The following CNTLN variants were observed in gnomAD, a reference collection of about 807,000 sequenced individuals.
CNTLN encodes centlein.
In CNTLN, 212 loss-of-function variants were observed where a neutral mutation model predicts 180.0. That is an observed-to-expected ratio of 1.18 (90% CI 1.05 to 1.32). The LOEUF is 1.32. Among genes scored for constraint, CNTLN ranks in the 40% most tolerant of loss-of-function variants. The pLI, the probability that CNTLN is intolerant of heterozygous loss-of-function variation, is 0.00. For missense variants in CNTLN, 2,095 were observed against 1,610.9 expected, an observed-to-expected ratio of 1.30 and a Z score of -5.14; for synonymous variants, 722 against 563.1, an observed-to-expected ratio of 1.28 and a Z score of -3.99.
intron 12 of CNTLN, among the ~76,000 whole-genome samples, chr9:17,364,452 G>C (rs937309278): frequency 9.2e-5 from 14 of 151,662 alleles, no homozygotes; most frequent in Non-Finnish European, 1.8e-4. Flanking sequence ...CATATTTTTA[G>C]ATATATTATT....
At chr9:17,152,846 A>G (rs111537946) in intron 2 of CNTLN, among the ~76,000 whole-genome samples, 3,750 of 152,238 alleles carry the variant, frequency 0.025, 162 homozygotes, top group African/African-American at 0.085. Context: ...GGGTGTTCCC[A>G]TATTGGGTGC....
At chr9:17,345,186 G>T (rs1821784178) in intron 12 of CNTLN, among the ~76,000 whole-genome samples, 1 of 152,118 alleles carries the variant, frequency 6.6e-6, no homozygotes, top group South Asian at 2.1e-4. Context: ...GTTTTTGTGT[G>T]AACATAACTT....
At chr9:17,157,329 A>G in intron 2 of CNTLN, among the ~76,000 whole-genome samples, 1 of 152,204 alleles carries the variant, frequency 6.6e-6, no homozygotes, top group Non-Finnish European at 1.5e-5. Context: ...TTTCAGGATT[A>G]TCCTTTGCTA....
intron 7 of CNTLN, chr9:17,298,773 G>A: frequency 1.0e-6 from 1 of 987,596 alleles, no homozygotes; most frequent in Non-Finnish European, 1.2e-6. Context: ...AAAGGGGATT[G>A]CTGAGGAGGG....
intron 15 of CNTLN, among the ~76,000 whole-genome samples, chr9:17,399,058 A>G (rs1246134145): frequency 6.6e-6 from 1 of 152,120 alleles, no homozygotes; most frequent in East Asian, 1.9e-4. Context: ...TTTTCCATAT[A>G]TTTGCCTTCC....
At chr9:17,387,335 TA>T (rs1397541730) in intron 13 of CNTLN, among the ~76,000 whole-genome samples, 1 of 152,200 alleles carries the variant, frequency 6.6e-6, no homozygotes, top group African/African-American at 2.4e-5. Context: ...GTCCCCTTTT[TA>T]TTCCTTAAGA....
At chr9:17,381,013 T>G (rs1046372604) in intron 13 of CNTLN, among the ~76,000 whole-genome samples, 4 of 152,234 alleles carry the variant, frequency 2.6e-5, no homozygotes, top group Non-Finnish European at 5.9e-5. Flanking sequence ...TTTCTTTGGC[T>G]AAAGCAAGTC....
chr9:17,370,353 A>G (rs377419886), intron 13 of CNTLN, among the ~76,000 whole-genome samples: 8 of 152,342 alleles, frequency 5.3e-5, no homozygotes, highest in East Asian at 3.9e-4. Context: ...ATATGCTGGC[A>G]GCAGACTTTT....
At chr9:17,482,355 T>C (rs1208445633) in intron 23 of CNTLN, among the ~76,000 whole-genome samples, 3 of 151,830 alleles carry the variant, frequency 2.0e-5, no homozygotes, top group African/African-American at 7.2e-5. Flanking sequence ...CCTATAAAAA[T>C]AAGAAAATAT....
At position 17,293,890 on chromosome 9, in the gene CNTLN, G is replaced by T. The variant is rs560608368; in HGVS notation, c.984-4300G>T. Among the ~76,000 whole-genome samples the T allele has an allele frequency of 2.9e-4, 44 of 152,256 alleles. 1 individual carries two copies. Among genetic ancestry groups the T allele is most frequent in the African/African-American group, 1.0e-3 (43 of 41,560 alleles). On this transcript the variant is annotated intron_variant, in intron 6 of 25. Transcript: ENST00000380647. The stretch of plus-strand genomic sequence containing the variant: ...GGCTCATTGGGGGACCTCCTGATCT[G>T]TGGGTAGCACGGATCCGTGGAAAAA...
Position 17,388,181 on chromosome 9 carries a change from T to G in CNTLN, c.2007T>G (p.Gly669=), listed in dbSNP as rs1488317570. The change falls in exon 14 of 26, where the codon GGT becomes GGG. Residue 669 remains glycine (G), a synonymous_variant. Coordinates refer to ENST00000380647, the MANE Select transcript of CNTLN (RefSeq NM_017738.4). Reference sequence around the variant, plus strand: ...TACCAGAACAGCTCTTTAGATCTGGTGAAGATGATGAGGTCAAGAGGAGTA... The same window carrying G: ...TACCAGAACAGCTCTTTAGATCTGGGGAAGATGATGAGGTCAAGAGGAGTA... ...ERREEQLFRS[G]EDDEVKRSTP... 5 of 1,610,770 alleles carry G rather than the reference T, an allele frequency of 3.1e-6. No individual in the cohort carries two copies. In the East Asian group the frequency reaches 1.1e-4, roughly 36 times the overall value.
chr9:17,253,246 A>T (rs970738468), intron 5 of CNTLN, among the ~76,000 whole-genome samples: 1 of 151,756 alleles, frequency 6.6e-6, no homozygotes, highest in Non-Finnish European at 1.5e-5. Context: ...TGCTTTGGGT[A>T]TTCAGGCTCT....
At chr9:17,231,455 AC>A (rs1346367777) in intron 3 of CNTLN, among the ~76,000 whole-genome samples, 3 of 152,012 alleles carry the variant, frequency 2.0e-5, no homozygotes, top group Non-Finnish European at 2.9e-5. Context: ...TAGCTTTGTC[AC>A]TGTTATAAAA....
intron 2 of CNTLN, among the ~76,000 whole-genome samples, chr9:17,203,077 A>G (rs948615685): frequency 6.6e-5 from 10 of 151,910 alleles, no homozygotes; most frequent in Non-Finnish European, 1.5e-4. Context: ...AAAGGATTTT[A>G]TTTCTCCTTC....
At chr9:17,154,337 C>T (rs554284963) in intron 2 of CNTLN, among the ~76,000 whole-genome samples, 1 of 152,166 alleles carries the variant, frequency 6.6e-6, no homozygotes, top group South Asian at 2.1e-4. Flanking sequence ...TGGATGGGGT[C>T]TTTGAGTGGA....
intron 18 of CNTLN, 110 bp downstream of exon 18, chr9:17,416,299 T>A (rs1828246767): frequency 3.4e-6 from 3 of 886,720 alleles, no homozygotes; most frequent in East Asian, 2.7e-5. Context: ...CTATGAGTTT[T>A]AAAAAATCCC....
At chr9:17,168,217 G>A (rs1820208019) in intron 2 of CNTLN, 1 of 152,112 alleles carries the variant, frequency 6.6e-6, no homozygotes, top group African/African-American at 2.4e-5. Flanking sequence ...TATTATAATA[G>A]CAAGGGATAC....
At chr9:17,210,616 A>G (rs1587160222) in intron 2 of CNTLN, among the ~76,000 whole-genome samples, 1 of 152,178 alleles carries the variant, frequency 6.6e-6, no homozygotes, top group East Asian at 1.9e-4. Context: ...CTAGTTCTAG[A>G]TCCTTGAGGA....
At position 17,309,063 on chromosome 9, in the gene CNTLN, C is replaced by G. The variant is rs915189761; in HGVS notation, c.1152C>G (p.Tyr384Ter). 5.7e-6 allele frequency: 9 copies of G among 1,572,242 alleles called. No individual in the cohort carries two copies. Among genetic ancestry groups the G allele is most frequent in the Non-Finnish European group, 7.7e-6 (9 of 1,164,920 alleles). Reference sequence around the variant, plus strand: ...GGATATATTTTTTGAAACAGCTTTACAATGAGTTACATATTTGTTTTGAAA... The same window carrying G: ...GGATATATTTTTTGAAACAGCTTTAGAATGAGTTACATATTTGTTTTGAAA... The part of the protein sequence containing the change: ...TAESISYQKL[Y>*]NELHICFETT... The change falls in exon 8 of 26, where the codon TAC becomes TAG. Residue 384 changes from tyrosine (Y) to a stop codon, truncating the protein, a stop_gained. Transcript: ENST00000380647. LOFTEE classifies it high-confidence loss of function.
Sources: allele counts gnomAD v4.1 joint callset (sites outside exome capture counted in the v4.1 genomes callset), GRCh38; gene constraint gnomAD v4.1.1; transcripts MANE v1.5; gene names NCBI Gene and HGNC (gene_info 2026-07-23, HGNC 2026-07-21).